The following MCPH1 variants were observed in gnomAD, a reference collection of about 807,000 sequenced individuals.
MCPH1 encodes microcephalin.
MCPH1 carries 104 observed loss-of-function variants against 84.5 expected under a neutral mutation model. The observed-to-expected ratio is 1.23, with a 90% CI of 1.05 to 1.45. The LOEUF (loss-of-function observed/expected upper bound fraction) is 1.45, where lower values mean the gene tolerates loss of function less well. Among genes scored for constraint, MCPH1 ranks in the 40% most tolerant of loss-of-function variants. The pLI, the probability that MCPH1 is intolerant of heterozygous loss-of-function variation, is 0.00. For missense variants in MCPH1, 1,498 were observed against 1,005.7 expected (o/e 1.49, Z -6.62); for synonymous variants, 514 against 366.8 (o/e 1.40, Z -4.58).
At chr8:6,622,780 C>G (rs57445851) in intron 13 of MCPH1, among the ~76,000 whole-genome samples, 32 of 152,260 alleles carry the variant, frequency 2.1e-4, no homozygotes, top group African/African-American at 6.7e-4. Context: ...TCCAAATGTT[C>G]TCTTCTCTAA....
At chr8:6,451,087 A>T (rs3020271) in intron 8 of MCPH1, among the ~76,000 whole-genome samples, 1,759 of 152,332 alleles carry the variant, frequency 0.012, 34 homozygotes, top group African/African-American at 0.039. Flanking sequence ...ATAGATAGAC[A>T]TATATTCATT....
chr8:6,626,962 G>A (rs1796767335), intron 13 of MCPH1: 1 of 982,998 alleles, frequency 1.0e-6, no homozygotes, highest in Non-Finnish European at 1.2e-6. Context: ...GGAACATAAT[G>A]TAATATTCTC....
intron 5 of MCPH1, among the ~76,000 whole-genome samples, chr8:6,437,657 G>C (rs1011257629): frequency 1.3e-5 from 2 of 152,290 alleles, no homozygotes; most frequent in South Asian, 4.1e-4. Context: ...CCCTCCCGCT[G>C]CCTCACCTGG....
intron 6 of MCPH1, among the ~76,000 whole-genome samples, chr8:6,439,675 T>A (rs1803222463): frequency 6.6e-6 from 1 of 152,182 alleles, no homozygotes; most frequent in African/African-American, 2.4e-5. Context: ...GGGACTGTAA[T>A]CCAGGCGTGA....
intron 12 of MCPH1, among the ~76,000 whole-genome samples, chr8:6,573,838 C>T (rs757325496): frequency 2.0e-5 from 3 of 152,208 alleles, no homozygotes; most frequent in Non-Finnish European, 2.9e-5. Flanking sequence ...AATTTAACTA[C>T]AAGCTCACCC....
chr8:6,615,034 T>C (rs1830664062), intron 12 of MCPH1, among the ~76,000 whole-genome samples: 2 of 152,172 alleles, frequency 1.3e-5, no homozygotes, highest in South Asian at 4.2e-4. Context: ...GTAACCACGC[T>C]CACACTGCGT....
intron 12 of MCPH1, chr8:6,508,889 A>T (rs1814348331): frequency 6.2e-7 from 1 of 1,613,636 alleles, no homozygotes; most frequent in Non-Finnish European, 8.5e-7. Flanking sequence ...CTATGAAATC[A>T]TTCCTTGCCA....
Position 6,429,260 on chromosome 8 carries a change from C to T in MCPH1, c.234-2239C>T, listed in dbSNP as rs369518918. ...GAGCTTGGCCTGGTGTCCTTTGAGT[C>T]CAGAGCTTCTCAGGCTCCACTTATG... On this transcript the variant is annotated intron_variant, in intron 3 of 13. Transcript: ENST00000344683. Among the ~76,000 whole-genome samples the T allele has an allele frequency of 6.9e-4, 105 of 152,246 alleles. 1 individual carries two copies. Among genetic ancestry groups the T allele is most frequent in the African/African-American group, 2.5e-3 (103 of 41,520 alleles).
intron 3 of MCPH1, among the ~76,000 whole-genome samples, chr8:6,427,414 C>T (rs1719017440): frequency 6.6e-6 from 1 of 152,160 alleles, no homozygotes; most frequent in South Asian, 2.1e-4. Context: ...CTTTGTCTCC[C>T]AGGCTGGAGT....
At chr8:6,631,089 A>G (rs1797127102) in intron 13 of MCPH1, among the ~76,000 whole-genome samples, 1 of 152,254 alleles carries the variant, frequency 6.6e-6, no homozygotes, top group South Asian at 2.1e-4. Context: ...GAGGAAAGCC[A>G]TCTTCAAGCC....
chr8:6,421,585 C>A lies in MCPH1; in HGVS notation c.233+6702C>A, dbSNP rs6982525. 9.6e-3 allele frequency among the ~76,000 whole-genome samples: 1,455 copies of A among 152,126 alleles called. 21 individuals carry two copies. Among genetic ancestry groups the A allele is most frequent in the African/African-American group, 0.034 (1,407 of 41,482 alleles). ...AATGTTTACTATTTCATGATATTTA[C>A]ATTATATGAAATTCAATTTTAGTAT... On this transcript the variant is annotated intron_variant, in intron 3 of 13. Transcript: ENST00000344683.
intron 9 of MCPH1, among the ~76,000 whole-genome samples, chr8:6,460,846 C>CA (rs1258673560): frequency 6.6e-6 from 1 of 152,108 alleles, no homozygotes; most frequent in Non-Finnish European, 1.5e-5. Context: ...GACTTAGTAG[C>CA]TGGGCAACGT....
chr8:6,565,605 A>G (rs1228859075), intron 12 of MCPH1, among the ~76,000 whole-genome samples: 1 of 152,170 alleles, frequency 6.6e-6, no homozygotes, highest in Non-Finnish European at 1.5e-5. Context: ...CCAGGCAAAT[A>G]GAGTAGTTTA....
chr8:6,432,674 A>G (rs994461692), intron 4 of MCPH1, among the ~76,000 whole-genome samples: 1 of 152,214 alleles, frequency 6.6e-6, no homozygotes, highest in Non-Finnish European at 1.5e-5. Context: ...TAGAGGAGAA[A>G]TAACTGTGAA....
intron 9 of MCPH1, among the ~76,000 whole-genome samples, chr8:6,473,413 C>G (rs1473510046): frequency 6.9e-6 from 1 of 145,960 alleles, no homozygotes; most frequent in Non-Finnish European, 1.5e-5. Flanking sequence ...TCACTGCAAG[C>G]TCCGTCTCCC....
chr8:6,441,922 C>A, intron 6 of MCPH1, 145 bp from the exon 7 acceptor site: 2 of 651,704 alleles, frequency 3.1e-6, no homozygotes, highest in Non-Finnish European at 5.5e-6. Flanking sequence ...TAGATTCAGG[C>A]AAGTTGACTT....
At chr8:6,613,917 C>A (rs1188021284) in intron 12 of MCPH1, among the ~76,000 whole-genome samples, 3 of 152,068 alleles carry the variant, frequency 2.0e-5, no homozygotes, top group Non-Finnish European at 4.4e-5. Context: ...CATCTGAAGA[C>A]CTTTTTTACT....
At chr8:6,617,888 A>C (rs1830986395) in intron 12 of MCPH1, among the ~76,000 whole-genome samples, 2 of 134,042 alleles carry the variant, frequency 1.5e-5, no homozygotes, top group South Asian at 2.4e-4. Context: ...CCATCTATCT[A>C]TCTATCTATC....
At chr8:6,583,320 A>T (rs1491001407) in intron 12 of MCPH1, among the ~76,000 whole-genome samples, 1 of 152,212 alleles carries the variant, frequency 6.6e-6, no homozygotes, top group Non-Finnish European at 1.5e-5. Context: ...AATAGCTGGC[A>T]GAGTGTCCTA....
Sources: gnomAD v4.1 joint callset for allele counts (sites outside exome capture counted in the v4.1 genomes callset) on GRCh38, gnomAD v4.1.1 for gene constraint, MANE v1.5 for transcripts, NCBI Gene and HGNC (gene_info 2026-07-23, HGNC 2026-07-21) for gene names.